The following ZMYND8 variants were observed in gnomAD, a reference collection of about 807,000 sequenced individuals.
ZMYND8 encodes the protein zinc finger MYND-type containing 8.
A neutral mutation model predicts 140.8 loss-of-function variants in ZMYND8; 37 were observed. That is an observed-to-expected ratio of 0.26 (90% CI 0.20 to 0.35). The LOEUF is 0.35. Ranked by LOEUF, ZMYND8 falls within the 10% of genes least tolerant of loss-of-function variation. The pLI is 1.00. For missense variants in ZMYND8, 1,068 were observed against 1,570.0 expected (o/e 0.68, Z 5.40); for synonymous variants, 592 against 597.1 (o/e 0.99, Z 0.12).
chr20:47,270,647 G>C (rs566166310), intron 11 of ZMYND8, among the ~76,000 whole-genome samples: 1 of 134,520 alleles, frequency 7.4e-6, no homozygotes, highest in Non-Finnish European at 1.5e-5. Flanking sequence ...GATCGCTTAA[G>C]CCCAAGAGTC....
At chr20:47,306,573 CTTTT>C (rs113460565) in intron 3 of ZMYND8, among the ~76,000 whole-genome samples, 1 of 136,552 alleles carries the variant, frequency 7.3e-6, no homozygotes, top group Non-Finnish European at 1.6e-5. Context: ...GATTATTTGC[CTTTT>C]TTTTTTTTTT....
intron 2 of ZMYND8, among the ~76,000 whole-genome samples, chr20:47,332,621 G>A (rs1031818901): frequency 1.3e-5 from 2 of 151,962 alleles, no homozygotes; most frequent in Non-Finnish European, 2.9e-5. Context: ...GAGATGGGAG[G>A]ATTGCTTGAG....
At chr20:47,308,388 T>G (rs1241631877) in intron 3 of ZMYND8, among the ~76,000 whole-genome samples, 2 of 151,500 alleles carry the variant, frequency 1.3e-5, no homozygotes, top group East Asian at 3.9e-4. Flanking sequence ...CCGGCTAATT[T>G]TTTGTATTTT....
chr20:47,354,201 G>C (rs2083028877), intron 1 of ZMYND8: 1 of 152,198 alleles, frequency 6.6e-6, no homozygotes, highest in Non-Finnish European at 1.5e-5. Flanking sequence ...TTGGGAACTT[G>C]CTGGGGGCTG....
intron 2 of ZMYND8, among the ~76,000 whole-genome samples, chr20:47,345,773 T>A (rs1442071705): frequency 6.7e-6 from 1 of 148,172 alleles, no homozygotes; most frequent in Non-Finnish European, 1.5e-5. Flanking sequence ...CCTCCCAAAG[T>A]GCTAAGATTA....
chr20:47,236,198 T>TA (rs996891644), intron 16 of ZMYND8, 128 bp downstream of exon 16: 139 of 1,120,024 alleles, frequency 1.2e-4, no homozygotes, highest in Middle Eastern at 2.9e-4. Context: ...ATTCTGTTTT[T>TA]AAAAAAAAGG....
intron 11 of ZMYND8, among the ~76,000 whole-genome samples, chr20:47,275,916 A>T (rs1255882247): frequency 6.6e-6 from 1 of 152,124 alleles, no homozygotes; most frequent in Non-Finnish European, 1.5e-5. Flanking sequence ...GTCAAGTATT[A>T]TTTTTTATCA....
intron 14 of ZMYND8, among the ~76,000 whole-genome samples, chr20:47,242,057 T>C (rs2040035485): frequency 6.6e-6 from 1 of 152,026 alleles, no homozygotes; most frequent in Non-Finnish European, 1.5e-5. Context: ...GACCTTGTGA[T>C]CCACCCGCCT....
intron 11 of ZMYND8, among the ~76,000 whole-genome samples, chr20:47,266,137 C>A (rs1377904459): frequency 6.6e-6 from 1 of 152,206 alleles, no homozygotes; most frequent in Non-Finnish European, 1.5e-5. Context: ...CCTATGTCCA[C>A]CTCCTAGTGC....
chr20:47,269,353 G>A (rs1440678192), intron 11 of ZMYND8, among the ~76,000 whole-genome samples: 1 of 152,216 alleles, frequency 6.6e-6, no homozygotes. Flanking sequence ...TCACAATACA[G>A]AATTATCTGG....
intron 1 of ZMYND8, 94 bp from the exon 2 acceptor site, chr20:47,348,020 A>G: frequency 1.7e-6 from 2 of 1,194,360 alleles, no homozygotes; most frequent in South Asian, 2.4e-5. Flanking sequence ...AACACACCTT[A>G]AAGACATTCC....
At chr20:47,244,697 G>A (rs1358603685) in intron 14 of ZMYND8, among the ~76,000 whole-genome samples, 1 of 152,222 alleles carries the variant, frequency 6.6e-6, no homozygotes, top group African/African-American at 2.4e-5. Context: ...CTAAGAATTA[G>A]CCAGGGCAAA....
chr20:47,210,600 C>T lies in ZMYND8; in HGVS notation c.*161G>A. The stretch of plus-strand genomic sequence containing the variant: ...GCAGTCAAAGCCGATGCTGGGTGTC[C>T]TGTAGTGTAGCAGCCCCCGCGCCGG... On this transcript the variant is annotated 3_prime_UTR_variant, in exon 23 of 23. Transcript: ENST00000471951. 1 of 1,060,210 alleles carries T rather than the reference C, an allele frequency of 9.4e-7. No individual in the cohort carries two copies. Among genetic ancestry groups the T allele is most frequent in the East Asian group, 2.4e-5 (1 of 41,620 alleles). 65.7% of individuals were successfully genotyped at this position (1,060,210 alleles called of 1,614,324 possible). A position where few individuals can be genotyped will look rare whatever the true frequency, so the allele number is the denominator to read the frequency against.
intron 2 of ZMYND8, among the ~76,000 whole-genome samples, chr20:47,326,509 G>A (rs2080431666): frequency 6.6e-6 from 1 of 152,104 alleles, no homozygotes; most frequent in African/African-American, 2.4e-5. Context: ...TCCCTTCTAG[G>A]AGACCCGCCA....
At chr20:47,319,143 T>C (rs1226282437) in intron 2 of ZMYND8, 1 of 899,740 alleles carries the variant, frequency 1.1e-6, no homozygotes, top group Non-Finnish European at 1.6e-6. Flanking sequence ...ACGCATTAGG[T>C]CGCCCGGCGG....
intron 22 of ZMYND8, 101 bp from the exon 23 acceptor site, chr20:47,210,998 C>G: frequency 6.7e-7 from 1 of 1,498,982 alleles, no homozygotes; most frequent in Non-Finnish European, 9.0e-7. Flanking sequence ...AAACCACCTT[C>G]CCCTCCCAAT....
At chr20:47,340,106 C>T (rs6012161) in intron 2 of ZMYND8, among the ~76,000 whole-genome samples, 1 of 152,080 alleles carries the variant, frequency 6.6e-6, no homozygotes, top group Non-Finnish European at 1.5e-5. Flanking sequence ...CCACACCCAG[C>T]TAATTTTCTA....
intron 3 of ZMYND8, among the ~76,000 whole-genome samples, chr20:47,303,023 G>A (rs994526947): frequency 4.0e-5 from 6 of 151,846 alleles, no homozygotes; most frequent in South Asian, 2.1e-4. Context: ...CCTCACACAC[G>A]TAATTAGGAC....
chr20:47,212,422 C>G (rs1319451924), intron 22 of ZMYND8, among the ~76,000 whole-genome samples: 1 of 152,206 alleles, frequency 6.6e-6, no homozygotes, highest in Non-Finnish European at 1.5e-5. Flanking sequence ...CGATCTCCAT[C>G]AAGAAGCCAG....
Sources: allele counts gnomAD v4.1 joint callset (sites outside exome capture counted in the v4.1 genomes callset), GRCh38; gene constraint gnomAD v4.1.1; transcripts MANE v1.5; gene names NCBI Gene and HGNC (gene_info 2026-07-23, HGNC 2026-07-21).